CACNA2D3: variants seen among roughly 807,000 people sequenced by gnomAD.
The protein encoded by CACNA2D3 is calcium voltage-gated channel auxiliary subunit alpha2delta 3, also known as voltage-dependent calcium channel subunit alpha-2/delta-3.
CACNA2D3 carries 60 observed loss-of-function variants against 160.6 expected under a neutral mutation model. That is an observed-to-expected ratio of 0.37 (90% CI 0.30 to 0.46). The LOEUF is 0.46. Ranked by LOEUF, CACNA2D3 falls within the 20% of genes least tolerant of loss-of-function variation. The pLI is 1.00. For missense variants in CACNA2D3, 1,205 were observed against 1,365.0 expected (o/e 0.88, Z 1.85); for synonymous variants, 558 against 492.9 (o/e 1.13, Z -1.75).
At chr3:54,886,002 G>A (rs532729877) in intron 23 of CACNA2D3, among the ~76,000 whole-genome samples, 1 of 152,184 alleles carries the variant, frequency 6.6e-6, no homozygotes, top group Non-Finnish European at 1.5e-5. Context: ...TCACGACGGG[G>A]ACACGTAGCC....
intron 13 of CACNA2D3, among the ~76,000 whole-genome samples, chr3:54,791,937 C>T (rs1428878917): frequency 1.3e-5 from 2 of 152,200 alleles, no homozygotes; most frequent in South Asian, 2.1e-4. Flanking sequence ...AAACAAAGCT[C>T]TGCCCTACTG....
intron 13 of CACNA2D3, among the ~76,000 whole-genome samples, chr3:54,781,900 C>A (rs1456865628): frequency 6.6e-6 from 1 of 152,162 alleles, no homozygotes; most frequent in African/African-American, 2.4e-5. Flanking sequence ...AACTGAGAGG[C>A]CTGAGTCAGC....
At chr3:54,913,257 A>T (rs1362111697) in intron 27 of CACNA2D3, among the ~76,000 whole-genome samples, 1 of 151,998 alleles carries the variant, frequency 6.6e-6, no homozygotes, top group Non-Finnish European at 1.5e-5. Context: ...TAATTTTTGC[A>T]TTTTTTGTAG....
intron 29 of CACNA2D3, among the ~76,000 whole-genome samples, 159 bp downstream of exon 29, chr3:54,970,003 CT>C (rs374044811): frequency 2.7e-5 from 4 of 150,646 alleles, no homozygotes; most frequent in South Asian, 2.1e-4. Context: ...TGCTTTGTTT[CT>C]TTTTTTTTGT....
intron 27 of CACNA2D3, among the ~76,000 whole-genome samples, chr3:54,936,267 A>T (rs542174975): frequency 2.0e-5 from 3 of 152,284 alleles, no homozygotes; most frequent in African/African-American, 7.2e-5. Context: ...ATCTGCTTGA[A>T]CTAATCTGCT....
intron 13 of CACNA2D3, among the ~76,000 whole-genome samples, chr3:54,799,239 A>G (rs925131077): frequency 3.9e-5 from 6 of 152,236 alleles, no homozygotes; most frequent in Admixed American, 3.9e-4. Context: ...TTTTTATATT[A>G]TAGACCAGGT....
chr3:54,781,953 A>G (rs1039552086), intron 13 of CACNA2D3, among the ~76,000 whole-genome samples: 32 of 152,208 alleles, frequency 2.1e-4, no homozygotes, highest in African/African-American at 7.0e-4. Context: ...AGGGGGCACT[A>G]TTTCTAAAGA....
At chr3:54,694,446 T>A (rs501903) in intron 11 of CACNA2D3, among the ~76,000 whole-genome samples, 150,800 of 152,338 alleles carry the variant, frequency 0.99, 74,658 homozygotes, top group East Asian at 1. Flanking sequence ...ACAAATATAC[T>A]TATAACTTTA....
intron 5 of CACNA2D3, among the ~76,000 whole-genome samples, chr3:54,540,973 A>C (rs1278728594): frequency 6.6e-6 from 1 of 152,146 alleles, no homozygotes. Flanking sequence ...ATCTAATAAT[A>C]GGTGTCCTTT....
At chr3:54,953,048 A>C (rs192617698) in intron 27 of CACNA2D3, among the ~76,000 whole-genome samples, 53 of 152,280 alleles carry the variant, frequency 3.5e-4, no homozygotes, top group Admixed American at 5.9e-4. Context: ...CAGAGACTCA[A>C]CTGCAGGGGA....
At chr3:54,454,854 T>C (rs1447117591) in intron 4 of CACNA2D3, among the ~76,000 whole-genome samples, 2 of 152,094 alleles carry the variant, frequency 1.3e-5, no homozygotes, top group East Asian at 3.9e-4. Context: ...GCATTTGTCT[T>C]TCTGTGCCTG....
chr3:54,563,301 A>G (rs902860049), intron 6 of CACNA2D3, among the ~76,000 whole-genome samples: 1 of 152,220 alleles, frequency 6.6e-6, no homozygotes, highest in Non-Finnish European at 1.5e-5. Flanking sequence ...TTATTGGGGA[A>G]AAGAGCATAC....
chr3:54,267,966 A>G (rs1446707786), intron 2 of CACNA2D3, among the ~76,000 whole-genome samples: 1 of 152,222 alleles, frequency 6.6e-6, no homozygotes, highest in East Asian at 1.9e-4. Context: ...AATGTTTAAA[A>G]TATGAATCCC....
chr3:54,500,373 G>T (rs933198497), intron 4 of CACNA2D3, among the ~76,000 whole-genome samples: 1 of 152,088 alleles, frequency 6.6e-6, no homozygotes, highest in African/African-American at 2.4e-5. Flanking sequence ...TTTGATTGAT[G>T]TATTTATTCC....
At chr3:54,914,832 A>G (rs1481083454) in intron 27 of CACNA2D3, among the ~76,000 whole-genome samples, 1 of 152,226 alleles carries the variant, frequency 6.6e-6, no homozygotes, top group African/African-American at 2.4e-5. Flanking sequence ...GCATTTAGCA[A>G]TGGATACAGG....
intron 31 of CACNA2D3, among the ~76,000 whole-genome samples, chr3:54,997,444 G>A (rs562708074): frequency 2.0e-5 from 3 of 152,248 alleles, no homozygotes; most frequent in Admixed American, 1.3e-4. Context: ...ACTGATGCCT[G>A]TAATCCCAGC....
At chr3:54,492,147 C>T (rs1701120611) in intron 4 of CACNA2D3, among the ~76,000 whole-genome samples, 1 of 152,152 alleles carries the variant, frequency 6.6e-6, no homozygotes, top group Non-Finnish European at 1.5e-5. Context: ...GGATTCCTTT[C>T]CCTGGTGGCA....
At chr3:54,133,299 C>T (rs721764) in intron 2 of CACNA2D3, among the ~76,000 whole-genome samples, 88,961 of 152,018 alleles carry the variant, frequency 0.59, 26,509 homozygotes, top group African/African-American at 0.69. Context: ...GATGCAGAAA[C>T]GTCTTTAACA....
chr3:54,226,543 TCCTCCCACTTTTG>T (rs1428741902), intron 2 of CACNA2D3, among the ~76,000 whole-genome samples: 2 of 151,986 alleles, frequency 1.3e-5, no homozygotes, highest in Non-Finnish European at 2.9e-5. Context: ...CCTCAAACAA[TCCTCCCACTTTTG>T]CCTCCCAAAG....
Sources: allele counts gnomAD v4.1 joint callset (sites outside exome capture counted in the v4.1 genomes callset), GRCh38; gene constraint gnomAD v4.1.1; transcripts MANE v1.5; gene names NCBI Gene and HGNC (gene_info 2026-07-23, HGNC 2026-07-21).